TRA2A: variants seen among roughly 807,000 people sequenced by gnomAD.
TRA2A encodes the protein transformer-2 protein homolog alpha.
TRA2A carries 31 observed loss-of-function variants against 45.7 expected under a neutral mutation model. The observed-to-expected ratio is 0.68, with a 90% CI of 0.51 to 0.92. The LOEUF is 0.92. Among genes scored for constraint, TRA2A ranks in the 40% least tolerant of loss-of-function variants. The probability of loss-of-function intolerance (pLI) is 0.00; values close to 1 mark genes in which losing one functional copy is unlikely to be tolerated. For synonymous variants in TRA2A, 132 were observed against 126.2 expected, an observed-to-expected ratio of 1.05 and a Z score of -0.31; for missense variants, 304 against 367.5, an observed-to-expected ratio of 0.83 and a Z score of 1.41.
chr7:23,515,220 TTTC>T (rs1269214598), intron 3 of TRA2A, among the ~76,000 whole-genome samples: 12 of 149,914 alleles, frequency 8.0e-5, no homozygotes, highest in Admixed American at 7.3e-4. Context: ...GTGGAACATA[TTTC>T]TTTTTTTTTT....
intron 3 of TRA2A, among the ~76,000 whole-genome samples, chr7:23,513,769 C>CA (rs1789735129): frequency 6.6e-6 from 1 of 152,118 alleles, no homozygotes; most frequent in South Asian, 2.1e-4. Context: ...TCTGACGTGT[C>CA]TACCTTACTG....
intron 1 of TRA2A, among the ~76,000 whole-genome samples, chr7:23,530,396 C>T (rs1293051419): frequency 6.6e-6 from 1 of 152,174 alleles, no homozygotes; most frequent in Non-Finnish European, 1.5e-5. Flanking sequence ...AAAGCCTAAA[C>T]TGACCTTCTG....
At chr7:23,519,237 C>CA (rs1470181462) in intron 2 of TRA2A, among the ~76,000 whole-genome samples, 1 of 151,996 alleles carries the variant, frequency 6.6e-6, no homozygotes, top group African/African-American at 2.4e-5. Context: ...ATTAAAAATA[C>CA]AAAAAATTAG....
intron 1 of TRA2A, among the ~76,000 whole-genome samples, chr7:23,527,198 T>C (rs1284174834): frequency 1.3e-5 from 2 of 152,174 alleles, no homozygotes; most frequent in African/African-American, 2.4e-5. Context: ...CAAGGAAAGA[T>C]CACAACTTTT....
At chr7:23,526,448 T>C (rs1790343745) in intron 1 of TRA2A, among the ~76,000 whole-genome samples, 1 of 152,166 alleles carries the variant, frequency 6.6e-6, no homozygotes, top group African/African-American at 2.4e-5. Context: ...TACACACTAG[T>C]GCATTGAGGA....
At chr7:23,506,083 C>G (rs1480959056) in intron 6 of TRA2A, 55 bp downstream of exon 6, 1 of 1,457,714 alleles carries the variant, frequency 6.9e-7, no homozygotes. Flanking sequence ...ATAAAAGTGC[C>G]AAGTAACACT....
intron 4 of TRA2A, among the ~76,000 whole-genome samples, chr7:23,508,038 C>T (rs1789421953): frequency 6.6e-6 from 1 of 152,056 alleles, no homozygotes; most frequent in African/African-American, 2.4e-5. Flanking sequence ...TATACATGTT[C>T]TTTTTATAAC....
At chr7:23,508,550 A>G (rs997858197) in intron 4 of TRA2A, among the ~76,000 whole-genome samples, 9 of 152,178 alleles carry the variant, frequency 5.9e-5, no homozygotes, top group African/African-American at 1.2e-4. Context: ...GCTGGAGTGC[A>G]ATGGCGTGAC....
intron 5 of TRA2A, 32 bp from the exon 6 acceptor site, chr7:23,506,298 GTGAATGA>G: frequency 6.4e-7 from 1 of 1,562,234 alleles, no homozygotes; most frequent in Non-Finnish European, 8.7e-7. Flanking sequence ...CTCCATTAGT[GTGAATGA>G]CTATTTTCCA....
At chr7:23,523,346 A>G (rs1790213051) in intron 1 of TRA2A, among the ~76,000 whole-genome samples, 1 of 152,150 alleles carries the variant, frequency 6.6e-6, no homozygotes, top group Admixed American at 6.5e-5. Context: ...TACTGATCAT[A>G]AGCTTGTTTT....
intron 1 of TRA2A, 126 bp downstream of exon 1, chr7:23,531,663 C>T: frequency 1.0e-6 from 1 of 976,980 alleles, no homozygotes; most frequent in Non-Finnish European, 1.6e-6. Flanking sequence ...TGGGAGGAAT[C>T]AATCGCGATG....
chr7:23,516,636 C>T, intron 2 of TRA2A, 108 bp from the exon 3 acceptor site: 1 of 961,056 alleles, frequency 1.0e-6, no homozygotes, highest in Non-Finnish European at 1.6e-6. Context: ...GGTCCTTCCT[C>T]CTTGCTTCTG....
Position 23,506,195 on chromosome 7 carries a change from T to A in TRA2A, c.713A>T (p.Tyr238Phe). 1.2e-6 allele frequency: 2 copies of A among 1,613,820 alleles called. No homozygotes were observed. Among genetic ancestry groups the A allele is most frequent in the Non-Finnish European group, 1.7e-6 (2 of 1,179,808 alleles). ...ATACCCACGATCATATCCTCTATCA[T>A]AGTAAGAATCTCGACGTCTGCCACC... ...GGGGRRRDSYYDRGYDRGYDR... is the reference protein window; with the variant it reads ...GGGGRRRDSYFDRGYDRGYDR... Residue 238 changes from tyrosine to phenylalanine, a missense_variant, in exon 6 of 8, where the codon TAT becomes TTT. By Grantham distance (22) the Tyr-to-Phe change is conservative (BLOSUM62 3). Coordinates refer to ENST00000297071, the MANE Select transcript of TRA2A (RefSeq NM_013293.5).
At chr7:23,524,290 T>C (rs777672327) in intron 1 of TRA2A, among the ~76,000 whole-genome samples, 2 of 152,058 alleles carry the variant, frequency 1.3e-5, no homozygotes, top group African/African-American at 4.8e-5. Flanking sequence ...TTCAAGTGAT[T>C]CTCCTGCCTC....
At chr7:23,509,854 G>A (rs979954117) in intron 4 of TRA2A, among the ~76,000 whole-genome samples, 8 of 151,638 alleles carry the variant, frequency 5.3e-5, no homozygotes, top group East Asian at 1.9e-4. Flanking sequence ...GCAAAACCCC[G>A]TCTCTACCAA....
At chr7:23,519,304 G>C (rs903163462) in intron 2 of TRA2A, among the ~76,000 whole-genome samples, 3 of 152,158 alleles carry the variant, frequency 2.0e-5, no homozygotes, top group African/African-American at 7.2e-5. Flanking sequence ...TGAGGCAAGA[G>C]AATCACTTGA....
At position 23,505,340 on chromosome 7, in the gene TRA2A, G is replaced by T. The variant is rs1283186532; in HGVS notation, c.*219C>A. ...ACATTGGGGTTCTTTTTATACTCAA[G>T]ATGTTTAACTGTTCAAAATGACAAC... is the stretch of plus-strand genomic sequence containing the variant. On this transcript the variant is annotated 3_prime_UTR_variant, in exon 8 of 8. Coordinates refer to ENST00000297071, the MANE Select transcript of TRA2A (RefSeq NM_013293.5). 9.8e-6 allele frequency: 4 copies of T among 409,452 alleles called. No homozygotes were observed. In the Admixed American group the frequency reaches 1.3e-4, roughly 13 times the overall value. The allele number at this position is 409,452 out of a possible 1,614,324, so 25.4% of individuals were successfully genotyped here.
intron 4 of TRA2A, 122 bp downstream of exon 4, chr7:23,512,772 T>TAA: frequency 1.1e-6 from 1 of 871,986 alleles, no homozygotes; most frequent in Non-Finnish European, 1.6e-6. Flanking sequence ...GATCCTATCT[T>TAA]TAAAAAAAAA....
chr7:23,507,866 T>C (rs1789415137), intron 4 of TRA2A, among the ~76,000 whole-genome samples: 1 of 152,174 alleles, frequency 6.6e-6, no homozygotes, highest in African/African-American at 2.4e-5. Context: ...TCAATTCCCA[T>C]TCCCCACTCC....
Sources: gnomAD v4.1 joint callset for allele counts (sites outside exome capture counted in the v4.1 genomes callset) on GRCh38, gnomAD v4.1.1 for gene constraint, MANE v1.5 for transcripts, NCBI Gene and HGNC (gene_info 2026-07-23, HGNC 2026-07-21) for gene names.